USP34: variants seen among roughly 807,000 people sequenced by gnomAD.
USP34 encodes ubiquitin carboxyl-terminal hydrolase 34.
A neutral mutation model predicts 460.3 loss-of-function variants in USP34; 70 were observed. That is an observed-to-expected ratio of 0.15 (90% confidence interval 0.13 to 0.19). The LOEUF (loss-of-function observed/expected upper bound fraction) is 0.19, where lower values mean the gene tolerates loss of function less well. Among genes scored for constraint, USP34 ranks in the 10% least tolerant of loss-of-function variants. The pLI is 1.00. For synonymous variants in USP34, 1,647 were observed against 1,405.3 expected (o/e 1.17, Z -3.85); for missense variants, 3,985 against 4,236.2 (o/e 0.94, Z 1.65).
chr2:61,430,405 AAAT>A (rs941079647), intron 1 of USP34, among the ~76,000 whole-genome samples: 11 of 152,110 alleles, frequency 7.2e-5, no homozygotes, highest in African/African-American at 2.2e-4. Context: ...CTGTCTCAAA[AAAT>A]AATAATAATA....
At chr2:61,316,169 G>C (rs1345253608) in intron 23 of USP34, among the ~76,000 whole-genome samples, 1 of 152,108 alleles carries the variant, frequency 6.6e-6, no homozygotes, top group South Asian at 2.1e-4. Context: ...TTGTGCCACT[G>C]CACTCCAGCA....
chr2:61,376,263 T>C (rs1398575894), intron 8 of USP34, among the ~76,000 whole-genome samples: 1 of 152,010 alleles, frequency 6.6e-6, no homozygotes. Flanking sequence ...CCAACAATAT[T>C]TATCACATGC....
chr2:61,305,861 A>G (rs1690387172), intron 27 of USP34, among the ~76,000 whole-genome samples: 1 of 152,226 alleles, frequency 6.6e-6, no homozygotes, highest in African/African-American at 2.4e-5. Context: ...AAGCCAAATA[A>G]TAACAGAACA....
intron 1 of USP34, among the ~76,000 whole-genome samples, chr2:61,436,395 G>C (rs1335161648): frequency 6.6e-6 from 1 of 152,180 alleles, no homozygotes; most frequent in Non-Finnish European, 1.5e-5. Flanking sequence ...AACCAAAAGT[G>C]AGCTGGGGTA....
chr2:61,306,676 AAAG>A (rs2103658049), intron 27 of USP34, among the ~76,000 whole-genome samples: 1 of 152,312 alleles, frequency 6.6e-6, no homozygotes, highest in Non-Finnish European at 1.5e-5. Context: ...ACACTTCTCA[AAAG>A]AAGACATTTA....
At chr2:61,323,385 G>A (rs1418470582) in intron 21 of USP34, among the ~76,000 whole-genome samples, 2 of 151,934 alleles carry the variant, frequency 1.3e-5, no homozygotes, top group African/African-American at 4.8e-5. Context: ...GTGGTGGTGG[G>A]CGCCTATAGT....
At chr2:61,261,572 G>GTGGT (rs1195505664) in intron 43 of USP34, among the ~76,000 whole-genome samples, 3 of 152,194 alleles carry the variant, frequency 2.0e-5, no homozygotes, top group Non-Finnish European at 4.4e-5. Context: ...AGATGGAATG[G>GTGGT]TGGTGATGGC....
chr2:61,368,965 AG>A (rs1412537407), intron 10 of USP34, among the ~76,000 whole-genome samples: 6 of 152,202 alleles, frequency 3.9e-5, no homozygotes, highest in African/African-American at 1.2e-4. Flanking sequence ...TGACACATAA[AG>A]AACTCCTACA....
intron 57 of USP34, among the ~76,000 whole-genome samples, chr2:61,233,675 A>T (rs1342749046): frequency 1.3e-5 from 2 of 152,020 alleles, no homozygotes; most frequent in Non-Finnish European, 2.9e-5. Context: ...AAGAAAAAAA[A>T]TTAGCTGAGT....
intron 62 of USP34, among the ~76,000 whole-genome samples, chr2:61,225,676 A>G (rs961424481): frequency 3.9e-5 from 6 of 152,200 alleles, no homozygotes; most frequent in African/African-American, 1.2e-4. Flanking sequence ...CAAATACCAA[A>G]TTATTACTAC....
chr2:61,387,818 CAT>C (rs1014535430), intron 5 of USP34, among the ~76,000 whole-genome samples: 10 of 148,102 alleles, frequency 6.8e-5, no homozygotes, highest in African/African-American at 2.5e-4. Flanking sequence ...CGTATACACA[CAT>C]GTAAAAATAT....
intron 72 of USP34, among the ~76,000 whole-genome samples, chr2:61,205,750 C>G (rs753939755): frequency 1.3e-5 from 2 of 152,120 alleles, no homozygotes; most frequent in African/African-American, 4.8e-5. Context: ...CATAGGATAA[C>G]AAGATTTTAG....
chr2:61,249,070 C>G (rs1286836543), intron 48 of USP34, among the ~76,000 whole-genome samples: 1 of 152,068 alleles, frequency 6.6e-6, no homozygotes, highest in Non-Finnish European at 1.5e-5. Context: ...ATAAATTAGG[C>G]ACAGCAAGAG....
intron 1 of USP34, among the ~76,000 whole-genome samples, chr2:61,426,765 A>G (rs1694523741): frequency 6.6e-6 from 1 of 152,184 alleles, no homozygotes; most frequent in African/African-American, 2.4e-5. Context: ...GACCCAGCAT[A>G]GTCCTAATTT....
intron 2 of USP34, chr2:61,417,258 T>A: frequency 8.6e-7 from 1 of 1,162,480 alleles, no homozygotes; most frequent in Non-Finnish European, 1.3e-6. Flanking sequence ...GTCTCCAAGG[T>A]CCCTTAGAGC....
rs1558554413 is a variant in USP34, at chr2:61,370,304, T to C, written c.1251+17A>G. The C allele has an allele frequency of 6.8e-6, 11 of 1,609,374 alleles. No individual in the cohort carries two copies. Among genetic ancestry groups the C allele is most frequent in the Non-Finnish European group, 9.3e-6 (11 of 1,176,652 alleles). ...TGATAAGCAAAGCACTCAATAAATG[T>C]GAGCTGTTAATATTACCTGTGCTGC... On this transcript the variant is annotated intron_variant, in intron 10 of 79. Coordinates refer to ENST00000398571, the MANE Select transcript of USP34 (RefSeq NM_014709.4).
At chr2:61,397,854 G>A (rs889353316) in intron 3 of USP34, among the ~76,000 whole-genome samples, 8 of 151,878 alleles carry the variant, frequency 5.3e-5, no homozygotes, top group Admixed American at 2.6e-4. Context: ...AGCTGAGATC[G>A]TGCCACTGAA....
chr2:61,198,791 C>G (rs1256086938), intron 75 of USP34, among the ~76,000 whole-genome samples: 2 of 152,120 alleles, frequency 1.3e-5, no homozygotes, highest in African/African-American at 4.8e-5. Flanking sequence ...ATTGCTTGAA[C>G]CCGGGAGGTG....
chr2:61,333,931 C>A lies in USP34; in HGVS notation c.2785G>T (p.Gly929Cys). The change falls in exon 19 of 80, where the codon GGT becomes TGT. Residue 929 changes from glycine to cysteine, a missense_variant. Around this residue, in one of 14 missense-constraint regions of USP34, gnomAD observed 1,114 missense variants for 1,122.5 expected, o/e 0.99. Transcript: ENST00000398571. ...ISLRLLPKLF[G>C]TFQQFGSSYD... is the part of the protein sequence containing the mutation. ...CTGCTCCCAAACTGCTGAAAAGTACCAAATAGTTTTGGAAGAAGACGAAGT... is the reference window on the plus strand; with the variant it reads ...CTGCTCCCAAACTGCTGAAAAGTACAAAATAGTTTTGGAAGAAGACGAAGT... The A allele has an allele frequency of 6.3e-7, 1 of 1,597,088 alleles. No individual in the cohort carries two copies.
Sources: gnomAD v4.1 joint callset for allele counts (sites outside exome capture counted in the v4.1 genomes callset) on GRCh38, gnomAD v4.1.1 for gene constraint, gnomAD v4.1.1 regional missense constraint, MANE v1.5 for transcripts, NCBI Gene and HGNC (gene_info 2026-07-23, HGNC 2026-07-21) for gene names.